RRAS2: variants seen among roughly 807,000 people sequenced by gnomAD.
The protein encoded by RRAS2 is ras-related protein R-Ras2.
In RRAS2, 7 loss-of-function variants were observed where a neutral mutation model predicts 27.6. That is an observed-to-expected ratio of 0.25 (90% CI 0.14 to 0.48). The LOEUF is 0.48. Ranked by LOEUF, RRAS2 falls within the 20% of genes least tolerant of loss-of-function variation. The pLI is 0.99. For synonymous variants in RRAS2, 86 were observed against 90.9 expected (o/e 0.95, Z 0.31); for missense variants, 178 against 256.2 (o/e 0.69, Z 2.08).
intron 1 of RRAS2, chr11:14,341,729 GT>G: frequency 2.4e-6 from 1 of 422,774 alleles, no homozygotes; most frequent in Non-Finnish European, 4.7e-6. Context: ...ACACAGTTAA[GT>G]CAGAGTACAT....
intron 1 of RRAS2, among the ~76,000 whole-genome samples, chr11:14,313,870 T>C (rs1475594706): frequency 6.6e-6 from 1 of 152,234 alleles, no homozygotes; most frequent in African/African-American, 2.4e-5. Flanking sequence ...TGAGGTGGTT[T>C]GTTACAGCAG....
intron 1 of RRAS2, among the ~76,000 whole-genome samples, chr11:14,316,712 A>G (rs868955604): frequency 1.2e-4 from 18 of 152,204 alleles, no homozygotes; most frequent in Non-Finnish European, 1.5e-5. Context: ...CACTGCACTT[A>G]GCCTGGGTGA....
intron 1 of RRAS2, among the ~76,000 whole-genome samples, chr11:14,334,629 G>T (rs1554952356): frequency 6.6e-6 from 1 of 150,746 alleles, no homozygotes; most frequent in Non-Finnish European, 1.5e-5. Flanking sequence ...GTTCTTCCTT[G>T]TTTCTAAAAA....
chr11:14,333,654 C>CT (rs34065159), intron 1 of RRAS2, among the ~76,000 whole-genome samples: 21 of 144,544 alleles, frequency 1.5e-4, no homozygotes, highest in South Asian at 6.9e-4. Context: ...CACCCTGCCC[C>CT]TTTTTTTTTG....
Position 14,358,363 on chromosome 11 carries a change from A to G in RRAS2, c.108+400T>C. 1.0e-6 allele frequency: 1 copy of G among 985,486 alleles called. No individual in the cohort carries two copies. Among genetic ancestry groups the G allele is most frequent in the Non-Finnish European group, 1.2e-6 (1 of 829,996 alleles). The allele number at this position is 985,486 out of a possible 1,614,324, so 61.0% of individuals were successfully genotyped here. ...GCCCCGACGGTGAAGGCGCGGCCGC[A>G]GGCGGCTGGAAAAGCAGCGCGCGGG... On this transcript the variant is annotated intron_variant, in intron 1 of 5. Transcript: ENST00000256196. The surrounding 1 kb of genome is among the most constrained non-coding windows in gnomAD (Gnocchi z 5.1).
chr11:14,301,311 G>A (rs1479433694), intron 1 of RRAS2, among the ~76,000 whole-genome samples: 3 of 152,136 alleles, frequency 2.0e-5, no homozygotes, highest in African/African-American at 7.2e-5. Context: ...AAGAGACAGT[G>A]ATCCTTTTTT....
chr11:14,286,847 C>T (rs938625440), intron 4 of RRAS2, among the ~76,000 whole-genome samples: 2 of 152,094 alleles, frequency 1.3e-5, no homozygotes, highest in African/African-American at 4.8e-5. Context: ...ATCAAGTTAC[C>T]CGAACAATTA....
chr11:14,310,103 T>G (rs782556023), intron 1 of RRAS2, among the ~76,000 whole-genome samples: 1 of 152,182 alleles, frequency 6.6e-6, no homozygotes, highest in Admixed American at 6.5e-5. Context: ...ATAAACTGGA[T>G]GTAGATACAG....
intron 1 of RRAS2, chr11:14,337,119 C>T (rs1848603511): frequency 6.6e-6 from 1 of 152,154 alleles, no homozygotes; most frequent in African/African-American, 2.4e-5. Context: ...CCCAGTTTCA[C>T]TTTCCTTGGT....
intron 1 of RRAS2, 154 bp from the exon 2 acceptor site, chr11:14,296,009 T>TAA: frequency 2.0e-6 from 1 of 506,664 alleles, no homozygotes. Context: ...TCTTATCTCT[T>TAA]AAAAAAAAAT....
intron 1 of RRAS2, among the ~76,000 whole-genome samples, chr11:14,327,160 A>T (rs1309127752): frequency 6.6e-6 from 1 of 152,250 alleles, no homozygotes. Flanking sequence ...AAGCAGACAT[A>T]GCATAAACCA....
chr11:14,279,689 C>A (rs1554944031), intron 5 of RRAS2, among the ~76,000 whole-genome samples: 2 of 152,128 alleles, frequency 1.3e-5, no homozygotes, highest in African/African-American at 4.8e-5. Context: ...AGTTCCCATC[C>A]CAATTTGAAA....
chr11:14,312,293 T>C (rs1366968640), intron 1 of RRAS2, among the ~76,000 whole-genome samples: 2 of 152,232 alleles, frequency 1.3e-5, no homozygotes, highest in Non-Finnish European at 2.9e-5. Context: ...AAATGCCACA[T>C]AGATTTCAAG....
At chr11:14,290,246 GAGACCAGCCTGGCC>G (rs1554945623) in intron 4 of RRAS2, among the ~76,000 whole-genome samples, 1 of 152,166 alleles carries the variant, frequency 6.6e-6, no homozygotes, top group Non-Finnish European at 1.5e-5. Context: ...TCAGGAGTTT[GAGACCAGCCTGGCC>G]AACATGGTGA....
At chr11:14,293,439 A>G (rs1418083919) in intron 4 of RRAS2, among the ~76,000 whole-genome samples, 5 of 152,040 alleles carry the variant, frequency 3.3e-5, no homozygotes, top group South Asian at 2.1e-4. Context: ...AAAAAGCCAT[A>G]TAACATTGAT....
In RRAS2 at chr11:14,292,503, G is replaced by T. The variant is rs551570412; in HGVS notation, c.408+1968C>A. Among the ~76,000 whole-genome samples, 10 of 152,054 alleles carry T rather than the reference G, an allele frequency of 6.6e-5. No individual in the cohort carries two copies. The East Asian group carries it at 1.9e-3, about 29-fold the overall frequency. On this transcript the variant is annotated intron_variant, in intron 4 of 5. Coordinates refer to ENST00000256196, the MANE Select transcript of RRAS2 (RefSeq NM_012250.6). ...AGAGTTTCTAGTACTAGAAAGAACT[G>T]AGAAGAGCCACAGGCAGGGTCCACT...
chr11:14,353,257 C>G (rs1037916945), intron 1 of RRAS2, among the ~76,000 whole-genome samples: 1 of 152,158 alleles, frequency 6.6e-6, no homozygotes, highest in African/African-American at 2.4e-5. Flanking sequence ...AAAATCCCAT[C>G]CCGGTAAGCA....
chr11:14,324,953 G>A (rs953827014), intron 1 of RRAS2, among the ~76,000 whole-genome samples: 5 of 152,152 alleles, frequency 3.3e-5, no homozygotes, highest in Admixed American at 1.3e-4. Context: ...GGAAAAAAGC[G>A]AGATTGAGGG....
At chr11:14,297,765 TA>T (rs1554946850) in intron 1 of RRAS2, among the ~76,000 whole-genome samples, 3 of 152,114 alleles carry the variant, frequency 2.0e-5, no homozygotes, top group East Asian at 3.8e-4. Flanking sequence ...CCCTGTCTCT[TA>T]AAAAAATTTT....
Sources: gnomAD v4.1 joint callset for allele counts (sites outside exome capture counted in the v4.1 genomes callset) on GRCh38, gnomAD v4.1.1 for gene constraint, Gnocchi (gnomAD v3.1) non-coding constraint, MANE v1.5 for transcripts, NCBI Gene and HGNC (gene_info 2026-07-23, HGNC 2026-07-21) for gene names.